MLLT10: variants seen among roughly 807,000 people sequenced by gnomAD.
MLLT10 encodes the protein MLLT10 histone lysine methyltransferase DOT1L cofactor.
Under a neutral mutation model 129.1 loss-of-function variants are expected in MLLT10, and 30 were observed. The observed-to-expected ratio is 0.23, with a 90% CI of 0.17 to 0.32. The LOEUF is 0.32. Among genes scored for constraint, MLLT10 ranks in the 10% least tolerant of loss-of-function variants. MLLT10 has a pLI of 1.00. For synonymous variants in MLLT10, 490 were observed against 446.4 expected (o/e 1.10, Z -1.23); for missense variants, 1,119 against 1,268.3 (o/e 0.88, Z 1.79).
chr10:21,616,312 A>T (rs918079057), intron 7 of MLLT10, among the ~76,000 whole-genome samples: 3 of 152,128 alleles, frequency 2.0e-5, no homozygotes, highest in African/African-American at 7.2e-5. Flanking sequence ...TATAGACATG[A>T]TGTTATCCCA....
At chr10:21,628,435 T>C (rs1347235978) in intron 8 of MLLT10, among the ~76,000 whole-genome samples, 1 of 144,944 alleles carries the variant, frequency 6.9e-6, no homozygotes, top group Admixed American at 6.8e-5. Flanking sequence ...CTCTCTCTTT[T>C]TTTTTTTTTT....
intron 3 of MLLT10, among the ~76,000 whole-genome samples, chr10:21,572,834 C>T (rs574348432): frequency 6.6e-6 from 1 of 152,102 alleles, no homozygotes; most frequent in Non-Finnish European, 1.5e-5. Context: ...GGCTGGTCAA[C>T]TCCTGACCTC....
chr10:21,626,431 C>T (rs2046443252), intron 8 of MLLT10: 4 of 606,270 alleles, frequency 6.6e-6, no homozygotes, highest in East Asian at 2.7e-5. Context: ...GAAGCAGGTA[C>T]GTGTGCAGAA....
chr10:21,576,017 C>A (rs1476671327), intron 3 of MLLT10, among the ~76,000 whole-genome samples: 1 of 151,832 alleles, frequency 6.6e-6, no homozygotes, highest in Non-Finnish European at 1.5e-5. Flanking sequence ...GCCTTTGCCT[C>A]CTAGATTCAA....
In MLLT10 at chr10:21,534,353, T is replaced by C. The variant is rs1266494529; in HGVS notation, c.-168T>C. The C allele has an allele frequency of 5.3e-6, 2 of 378,166 alleles. No individual in the cohort carries two copies. The highest frequency in any genetic ancestry group is 3.6e-5 in the East Asian group (1 of 28,040). 23.4% of individuals were successfully genotyped at this position (378,166 alleles called of 1,614,324 possible). ...CTGTGCGGAGGCCCTCTTGATTATG[T>C]GTGCCCTCTCCGGGCGCCCGCGTTA... On this transcript the variant is annotated 5_prime_UTR_variant, in exon 1 of 23. Transcript: ENST00000307729.
chr10:21,717,777 G>T (rs1359115979), intron 14 of MLLT10, among the ~76,000 whole-genome samples: 2 of 67,388 alleles, frequency 3.0e-5, no homozygotes, highest in African/African-American at 5.8e-5. Flanking sequence ...CGCTGCTGCT[G>T]CTGCTTCTTC....
At chr10:21,614,209 C>T (rs1387822694) in intron 6 of MLLT10, among the ~76,000 whole-genome samples, 3 of 121,200 alleles carry the variant, frequency 2.5e-5, no homozygotes, top group Non-Finnish European at 5.0e-5. Context: ...CAGAACGAAA[C>T]CCTGTTTTTT....
chr10:21,688,577 T>G, intron 13 of MLLT10: 1 of 1,556,742 alleles, frequency 6.4e-7, no homozygotes, highest in Non-Finnish European at 8.8e-7. Flanking sequence ...AACATAATAG[T>G]GTTAAATTAA....
chr10:21,685,286 A>T (rs555539026), intron 13 of MLLT10, among the ~76,000 whole-genome samples: 1 of 152,322 alleles, frequency 6.6e-6, no homozygotes, highest in East Asian at 1.9e-4. Context: ...TTATTACTTC[A>T]CAAAACTTAT....
At chr10:21,676,484 G>A (rs1216247367) in intron 11 of MLLT10, among the ~76,000 whole-genome samples, 1 of 150,998 alleles carries the variant, frequency 6.6e-6, no homozygotes. Context: ...ACTTTGGGAG[G>A]CCGAGGTGGG....
At chr10:21,632,549 G>A (rs747699151) in intron 8 of MLLT10, among the ~76,000 whole-genome samples, 3 of 152,118 alleles carry the variant, frequency 2.0e-5, no homozygotes, top group African/African-American at 4.8e-5. Context: ...TTTACAAAGC[G>A]TCTACTCAAT....
At chr10:21,690,790 C>T (rs946906175) in intron 13 of MLLT10, among the ~76,000 whole-genome samples, 3 of 152,116 alleles carry the variant, frequency 2.0e-5, no homozygotes, top group Admixed American at 6.5e-5. Context: ...GCTTTCTAGA[C>T]ATGACTTTTG....
chr10:21,607,474 C>T (rs915414208), intron 5 of MLLT10, among the ~76,000 whole-genome samples: 2 of 151,954 alleles, frequency 1.3e-5, no homozygotes, highest in Non-Finnish European at 2.9e-5. Context: ...GCATGCGTCA[C>T]CACGCTCAGC....
At chr10:21,546,931 C>G (rs1306261624) in intron 3 of MLLT10, among the ~76,000 whole-genome samples, 2 of 152,110 alleles carry the variant, frequency 1.3e-5, no homozygotes, top group Non-Finnish European at 2.9e-5. Flanking sequence ...CCATGTTGGT[C>G]AGGCTGGTCT....
intron 5 of MLLT10, among the ~76,000 whole-genome samples, chr10:21,609,267 T>C (rs1023715688): frequency 5.3e-5 from 8 of 152,250 alleles, no homozygotes; most frequent in African/African-American, 1.4e-4. Flanking sequence ...GTTTAGACAC[T>C]ATTTTCCAAG....
intron 18 of MLLT10, among the ~76,000 whole-genome samples, 157 bp from the exon 19 acceptor site, chr10:21,733,347 T>A (rs999264680): frequency 3.3e-5 from 5 of 152,208 alleles, no homozygotes; most frequent in Admixed American, 6.5e-5. Context: ...ATATAGATTT[T>A]TTTTTCTTAT....
intron 11 of MLLT10, among the ~76,000 whole-genome samples, chr10:21,679,034 A>G (rs1564633553): frequency 6.6e-6 from 1 of 152,178 alleles, no homozygotes; most frequent in African/African-American, 2.4e-5. Context: ...AGCAGAGTAC[A>G]TTTTTTCTGG....
At chr10:21,723,562 C>T (rs996251975) in intron 14 of MLLT10, among the ~76,000 whole-genome samples, 1 of 152,136 alleles carries the variant, frequency 6.6e-6, no homozygotes, top group Non-Finnish European at 1.5e-5. Flanking sequence ...TCTAGAAGTA[C>T]ACTTTATAAA....
chr10:21,739,686 C>A (rs946573145), intron 21 of MLLT10, among the ~76,000 whole-genome samples: 1 of 152,152 alleles, frequency 6.6e-6, no homozygotes, highest in East Asian at 1.9e-4. Flanking sequence ...GAAACGGGAA[C>A]TTTAAGGTTG....
Sources: gnomAD v4.1 joint callset for allele counts (sites outside exome capture counted in the v4.1 genomes callset) on GRCh38, gnomAD v4.1.1 for gene constraint, MANE v1.5 for transcripts, NCBI Gene and HGNC (gene_info 2026-07-23, HGNC 2026-07-21) for gene names.